NFIB: variants seen among roughly 807,000 people sequenced by gnomAD.
The protein encoded by NFIB is nuclear factor I B, also known as nuclear factor 1 B-type.
NFIB carries 11 observed loss-of-function variants against 61.5 expected under a neutral mutation model. The ratio of observed to expected loss-of-function variants is 0.18; its 90% CI spans 0.11 to 0.30. The LOEUF (loss-of-function observed/expected upper bound fraction) is 0.30, where lower values mean the gene tolerates loss of function less well. NFIB is among the 10% of genes least tolerant of loss of function. The pLI is 1.00. For synonymous variants in NFIB, 260 were observed against 216.5 expected (o/e 1.20, Z -1.76); for missense variants, 471 against 608.9 (o/e 0.77, Z 2.38).
At chr9:14,156,374 C>T (rs1037759219) in intron 3 of NFIB, among the ~76,000 whole-genome samples, 6 of 152,208 alleles carry the variant, frequency 3.9e-5, no homozygotes, top group Non-Finnish European at 7.3e-5. Context: ...ACCAGCACCC[C>T]GACCCTTGTT....
chr9:14,146,855 G>A (rs370280681), intron 5 of NFIB, 48 bp from the exon 6 acceptor site: 2 of 1,586,882 alleles, frequency 1.3e-6, no homozygotes, highest in Non-Finnish European at 8.5e-7. Context: ...CTGGGAAGAT[G>A]TGTACATTTT....
At chr9:14,368,713 TC>T (rs2061328255) in intron 1 of NFIB, among the ~76,000 whole-genome samples, 1 of 152,252 alleles carries the variant, frequency 6.6e-6, no homozygotes, top group South Asian at 2.1e-4. Context: ...ACTGGCATCT[TC>T]TTTGGATGAT....
intron 1 of NFIB, among the ~76,000 whole-genome samples, chr9:14,383,650 C>G (rs7852466): frequency 4.9e-4 from 74 of 152,250 alleles, no homozygotes; most frequent in African/African-American, 1.4e-3. Flanking sequence ...CTTTTAAGAC[C>G]AGAGTTTCTG....
the NFIB span, among the ~76,000 whole-genome samples, chr9:14,492,295 G>A: frequency 0.32 from 48,845 of 151,512 alleles, 8,805 homozygotes; most frequent in East Asian, 0.47. Flanking sequence ...CCGGGGAGGC[G>A]GAGCTTGCAG....
At chr9:14,231,136 ATATATATATATAT>A (rs1400307808) in intron 2 of NFIB, among the ~76,000 whole-genome samples, 12 of 20,878 alleles carry the variant, frequency 5.7e-4, no homozygotes, top group East Asian at 1.6e-3. Flanking sequence ...AAAAAAAAAA[ATATATATATATAT>A]ATATATATAT....
At chr9:14,376,281 T>C (rs1290929782) in intron 1 of NFIB, among the ~76,000 whole-genome samples, 1 of 151,618 alleles carries the variant, frequency 6.6e-6, no homozygotes, top group Non-Finnish European at 1.5e-5. Flanking sequence ...ACATTACTGT[T>C]GGAGCTTACA....
At chr9:14,217,680 A>AAAAAAAAAAAAAAAAAC (rs1489367237) in intron 2 of NFIB, among the ~76,000 whole-genome samples, 1 of 145,594 alleles carries the variant, frequency 6.9e-6, no homozygotes, top group Non-Finnish European at 1.5e-5. Flanking sequence ...AAAAAAAAAA[A>AAAAAAAAAAAAAAAAAC]AGACACAAAC....
intron 1 of NFIB, among the ~76,000 whole-genome samples, chr9:14,392,718 C>G (rs57236191): frequency 4.9e-5 from 6 of 122,882 alleles, no homozygotes; most frequent in African/African-American, 2.1e-4. Context: ...GACCTTGTCT[C>G]AAAAAAAAAA....
chr9:14,481,178 AGTGTGT>A, the NFIB span, among the ~76,000 whole-genome samples: 1 of 67,282 alleles, frequency 1.5e-5, no homozygotes, highest in Non-Finnish European at 2.9e-5. Context: ...TCAAAAACTG[AGTGTGT>A]GTGTGTGTGT....
intron 3 of NFIB, among the ~76,000 whole-genome samples, chr9:14,161,934 C>A (rs1351913112): frequency 6.6e-6 from 1 of 152,130 alleles, no homozygotes; most frequent in Non-Finnish European, 1.5e-5. Context: ...CACAATCCTG[C>A]TGCCAGACTT....
chr9:14,287,296 T>A (rs967573007), intron 2 of NFIB, among the ~76,000 whole-genome samples: 1 of 151,230 alleles, frequency 6.6e-6, no homozygotes, highest in African/African-American at 2.4e-5. Context: ...CTGGGCGTGG[T>A]GGCGGGCACC....
chr9:14,302,651 T>C (rs2059809510), intron 2 of NFIB, among the ~76,000 whole-genome samples: 1 of 152,182 alleles, frequency 6.6e-6, no homozygotes, highest in South Asian at 2.1e-4. Context: ...AGTTGCTATC[T>C]CTTGAGATCT....
intron 4 of NFIB, among the ~76,000 whole-genome samples, chr9:14,154,666 T>C (rs2043195916): frequency 6.6e-6 from 1 of 152,148 alleles, no homozygotes; most frequent in Non-Finnish European, 1.5e-5. Flanking sequence ...GAGAGAAGTC[T>C]TTTGGGCATA....
At chr9:14,292,699 G>A (rs1008407884) in intron 2 of NFIB, among the ~76,000 whole-genome samples, 2 of 152,168 alleles carry the variant, frequency 1.3e-5, no homozygotes, top group African/African-American at 4.8e-5. Context: ...ACTTCAGCAA[G>A]CTGCTTCAAT....
intron 1 of NFIB, among the ~76,000 whole-genome samples, chr9:14,351,566 C>T (rs1189421422): frequency 1.3e-5 from 2 of 152,336 alleles, no homozygotes; most frequent in East Asian, 3.9e-4. Context: ...TGGCCCTATA[C>T]TGTTCACACA....
At chr9:14,440,005 G>A in the NFIB span, among the ~76,000 whole-genome samples, 1 of 152,212 alleles carries the variant, frequency 6.6e-6, no homozygotes. Context: ...CCACATGGGA[G>A]CTGGAAGTCC....
intron 1 of NFIB, among the ~76,000 whole-genome samples, chr9:14,346,856 C>A (rs1279503186): frequency 6.6e-6 from 1 of 152,142 alleles, no homozygotes; most frequent in Non-Finnish European, 1.5e-5. Context: ...GGTCTCCTAT[C>A]AACTGCTACC....
intron 6 of NFIB, among the ~76,000 whole-genome samples, chr9:14,128,541 T>C (rs1330665223): frequency 6.6e-6 from 1 of 151,726 alleles, no homozygotes; most frequent in East Asian, 1.9e-4. Flanking sequence ...GTACTAAAAA[T>C]ACAAAAATTA....
the NFIB span, among the ~76,000 whole-genome samples, chr9:14,430,401 A>G: frequency 9.2e-5 from 14 of 152,172 alleles, no homozygotes; most frequent in Non-Finnish European, 1.0e-4. Context: ...CAATGAGCAA[A>G]TGATGTTATA....
Sources: allele counts gnomAD v4.1 joint callset (sites outside exome capture counted in the v4.1 genomes callset), GRCh38; gene constraint gnomAD v4.1.1; transcripts MANE v1.5; gene names NCBI Gene and HGNC (gene_info 2026-07-23, HGNC 2026-07-21).